The following FRMD5 variants were observed in gnomAD, a reference collection of about 807,000 sequenced individuals.
FRMD5 encodes the protein FERM domain containing 5, also known as FERM domain-containing protein 5.
FRMD5 carries 20 observed loss-of-function variants against 69.0 expected under a neutral mutation model. That is an observed-to-expected ratio of 0.29 (90% CI 0.20 to 0.42). FRMD5 has a LOEUF of 0.42. Ranked by LOEUF, FRMD5 falls within the 10% of genes least tolerant of loss-of-function variation. The probability of loss-of-function intolerance (pLI) is 1.00; values close to 1 mark genes in which losing one functional copy is unlikely to be tolerated. For synonymous variants in FRMD5, 271 were observed against 260.1 expected (o/e 1.04, Z -0.40); for missense variants, 595 against 708.6 (o/e 0.84, Z 1.82).
chr15:44,030,271 A>T (rs1270027173), intron 1 of FRMD5, among the ~76,000 whole-genome samples: 1 of 152,104 alleles, frequency 6.6e-6, no homozygotes, highest in Non-Finnish European at 1.5e-5. Flanking sequence ...GTGCTCTAAT[A>T]AGATTTACGT....
intron 1 of FRMD5, among the ~76,000 whole-genome samples, chr15:44,176,573 C>T (rs2077898544): frequency 6.6e-6 from 1 of 151,976 alleles, no homozygotes; most frequent in South Asian, 2.1e-4. Flanking sequence ...TCAAAAGATA[C>T]CATCAAGAAA....
chr15:44,161,098 C>T (rs1289075446), intron 1 of FRMD5, among the ~76,000 whole-genome samples: 1 of 152,158 alleles, frequency 6.6e-6, no homozygotes, highest in East Asian at 1.9e-4. Flanking sequence ...TATCTCCTTT[C>T]CCATCCCATG....
chr15:44,041,573 A>C (rs1020288726), intron 1 of FRMD5, among the ~76,000 whole-genome samples: 1 of 152,220 alleles, frequency 6.6e-6, no homozygotes, highest in African/African-American at 2.4e-5. Context: ...AAATCATAAC[A>C]AACAGTCTCT....
intron 1 of FRMD5, among the ~76,000 whole-genome samples, chr15:43,951,687 T>G (rs1395596444): frequency 6.6e-6 from 1 of 152,216 alleles, no homozygotes; most frequent in Non-Finnish European, 1.5e-5. Context: ...TGTCCTTTAA[T>G]GCTTTTGAGC....
intron 1 of FRMD5, among the ~76,000 whole-genome samples, chr15:44,104,208 C>A (rs753149968): frequency 6.6e-6 from 1 of 151,942 alleles, no homozygotes; most frequent in Non-Finnish European, 1.5e-5. Flanking sequence ...TTTTAAATAG[C>A]GAAAAGCTTA....
At position 43,919,753 on chromosome 15, in the gene FRMD5, T is replaced by C. The variant is rs2140440250; in HGVS notation, c.250+14A>G. ...CAGGGGTGTGGCTTGAGTCTTTTCA[T>C]GGAGAATACTTACATCTCAATTGTT... On this transcript the variant is annotated intron_variant, in intron 3 of 13. Transcript: ENST00000417257. 6 of 1,613,404 alleles carry C rather than the reference T, an allele frequency of 3.7e-6. No individual in the cohort carries two copies. The highest frequency in any genetic ancestry group is 5.1e-6 in the Non-Finnish European group (6 of 1,179,282).
chr15:44,078,689 G>C (rs1325319422), intron 1 of FRMD5, among the ~76,000 whole-genome samples: 1 of 152,022 alleles, frequency 6.6e-6, no homozygotes, highest in African/African-American at 2.4e-5. Context: ...CCATTTAATG[G>C]GTAAAGGAAG....
At chr15:43,903,532 TGAAGACGAGGCAGGACCTATG>T (rs2089097516) in intron 6 of FRMD5, among the ~76,000 whole-genome samples, 1 of 152,228 alleles carries the variant, frequency 6.6e-6, no homozygotes, top group Non-Finnish European at 1.5e-5. Flanking sequence ...TTTTACATTA[TGAAGACGAGGCAGGACCTATG>T]GAAAAAGTAC....
chr15:43,920,255 A>G (rs545473915), intron 2 of FRMD5, among the ~76,000 whole-genome samples: 23 of 152,270 alleles, frequency 1.5e-4, no homozygotes, highest in African/African-American at 4.6e-4. Flanking sequence ...TGGGAATAGA[A>G]GATTTTGGTA....
chr15:44,166,904 T>A (rs1347499894), intron 1 of FRMD5, among the ~76,000 whole-genome samples: 1 of 151,130 alleles, frequency 6.6e-6, no homozygotes, highest in Non-Finnish European at 1.5e-5. Flanking sequence ...AAGTGAGAAA[T>A]CAAGTTTACT....
At chr15:43,961,215 A>G (rs2090194143) in intron 1 of FRMD5, among the ~76,000 whole-genome samples, 1 of 152,280 alleles carries the variant, frequency 6.6e-6, no homozygotes, top group Admixed American at 6.5e-5. Context: ...AAAATGACAA[A>G]GGGGATATCA....
intron 1 of FRMD5, among the ~76,000 whole-genome samples, chr15:43,977,692 A>G (rs2090485053): frequency 6.6e-6 from 1 of 152,242 alleles, no homozygotes; most frequent in Non-Finnish European, 1.5e-5. Flanking sequence ...TTGTTTGGGC[A>G]GGCGTTCTGC....
intron 1 of FRMD5, among the ~76,000 whole-genome samples, chr15:44,002,211 A>G (rs1272923093): frequency 2.0e-5 from 3 of 152,018 alleles, no homozygotes; most frequent in African/African-American, 7.3e-5. Flanking sequence ...TTTAGTGGAG[A>G]GTGGCATTTA....
chr15:44,144,006 T>C (rs567861958), intron 1 of FRMD5, among the ~76,000 whole-genome samples: 1 of 147,540 alleles, frequency 6.8e-6, no homozygotes, highest in East Asian at 2.0e-4. Flanking sequence ...GAAACGTAAA[T>C]ATACAACACT....
At chr15:44,182,188 T>G (rs971118560) in intron 1 of FRMD5, among the ~76,000 whole-genome samples, 7 of 151,494 alleles carry the variant, frequency 4.6e-5, no homozygotes, top group Non-Finnish European at 1.0e-4. Context: ...GTTTTATATT[T>G]TTAGTAAAGA....
chr15:44,088,753 G>A (rs116623856), intron 1 of FRMD5, among the ~76,000 whole-genome samples: 1,661 of 152,248 alleles, frequency 0.011, 30 homozygotes, highest in African/African-American at 0.038. Context: ...AACTCTGGGA[G>A]ACAAAAACTA....
At chr15:44,053,507 G>A (rs548941181) in intron 1 of FRMD5, among the ~76,000 whole-genome samples, 94 of 152,142 alleles carry the variant, frequency 6.2e-4, no homozygotes, top group Non-Finnish European at 1.1e-3. Context: ...GCTTGGATGG[G>A]AGCGGTGGCA....
chr15:43,883,275 T>G (rs1008710803), intron 13 of FRMD5, among the ~76,000 whole-genome samples: 4 of 152,080 alleles, frequency 2.6e-5, no homozygotes, highest in Non-Finnish European at 4.4e-5. Flanking sequence ...TTTTTGTATT[T>G]TTAGTAGAGA....
intron 1 of FRMD5, among the ~76,000 whole-genome samples, chr15:44,148,417 G>A (rs1013716211): frequency 8.6e-5 from 13 of 151,484 alleles, no homozygotes; most frequent in African/African-American, 1.2e-4. Flanking sequence ...GACTACAGGC[G>A]CCCGCCACAA....
Sources: allele counts gnomAD v4.1 joint callset (sites outside exome capture counted in the v4.1 genomes callset), GRCh38; gene constraint gnomAD v4.1.1; transcripts MANE v1.5; gene names NCBI Gene and HGNC (gene_info 2026-07-23, HGNC 2026-07-21).